DCAF6: variants seen among roughly 807,000 people sequenced by gnomAD.
DCAF6 encodes the protein DDB1 and CUL4 associated factor 6, also known as DDB1- and CUL4-associated factor 6.
In DCAF6, 54 loss-of-function variants were observed where a neutral mutation model predicts 125.1. That is an observed-to-expected ratio of 0.43 (90% CI 0.35 to 0.54). The LOEUF (loss-of-function observed/expected upper bound fraction) is 0.54, where lower values mean the gene tolerates loss of function less well. DCAF6 is among the 20% of genes least tolerant of loss of function. The pLI, the probability that DCAF6 is intolerant of heterozygous loss-of-function variation, is 0.01. For synonymous variants in DCAF6, 371 were observed against 390.4 expected (o/e 0.95, Z 0.58); for missense variants, 934 against 1,161.7 (o/e 0.80, Z 2.85).
At chr1:168,052,273 G>A (rs796703528) in intron 17 of DCAF6, among the ~76,000 whole-genome samples, 1 of 152,298 alleles carries the variant, frequency 6.6e-6, no homozygotes, top group African/African-American at 2.4e-5. Flanking sequence ...TTTATCACAA[G>A]TACGCAAAGC....
chr1:167,905,793 T>C, the DCAF6 span, among the ~76,000 whole-genome samples: 24 of 152,188 alleles, frequency 1.6e-4, no homozygotes, highest in African/African-American at 5.5e-4. Context: ...CCTTAAGCTG[T>C]AAATGGAAGG....
At chr1:167,910,728 A>G in the DCAF6 span, among the ~76,000 whole-genome samples, 3 of 152,170 alleles carry the variant, frequency 2.0e-5, no homozygotes, top group South Asian at 6.2e-4. Context: ...GCTTCCACAG[A>G]TGTGCTGAGT....
At chr1:168,043,200 T>C (rs1317517844) in intron 14 of DCAF6, 60 bp downstream of exon 14, 3 of 1,235,260 alleles carry the variant, frequency 2.4e-6, no homozygotes, top group African/African-American at 1.5e-5. Flanking sequence ...TTATCTACTT[T>C]CCTGTTCCCT....
At chr1:167,929,285 G>A in the DCAF6 span, among the ~76,000 whole-genome samples, 1 of 152,112 alleles carries the variant, frequency 6.6e-6, no homozygotes, top group Non-Finnish European at 1.5e-5. Context: ...CTAGAACCCA[G>A]GAGGCAGAGG....
chr1:167,878,127 A>G, the DCAF6 span, among the ~76,000 whole-genome samples: 4 of 152,338 alleles, frequency 2.6e-5, no homozygotes, highest in South Asian at 2.1e-4. Flanking sequence ...AGTAAATAAT[A>G]TTAAATGGTT....
chr1:167,925,442 C>CACACATAT, the DCAF6 span, among the ~76,000 whole-genome samples: 1 of 82,476 alleles, frequency 1.2e-5, no homozygotes, highest in East Asian at 3.0e-4. Flanking sequence ...TACATATACA[C>CACACATAT]ATATATATAT....
chr1:167,883,487 C>T, the DCAF6 span: 1 of 1,614,240 alleles, frequency 6.2e-7, no homozygotes, highest in East Asian at 2.2e-5. Flanking sequence ...ATCTTCAGGA[C>T]AGAAGTGATG....
chr1:167,916,145 A>T, the DCAF6 span, among the ~76,000 whole-genome samples: 1 of 152,240 alleles, frequency 6.6e-6, no homozygotes, highest in Non-Finnish European at 1.5e-5. Context: ...CTTTGAGAAT[A>T]GTTGTGAAAC....
At chr1:167,871,956 C>G in the DCAF6 span, among the ~76,000 whole-genome samples, 1 of 152,198 alleles carries the variant, frequency 6.6e-6, no homozygotes, top group African/African-American at 2.4e-5. Flanking sequence ...ACCAACATGG[C>G]ACATGTATAC....
chr1:167,956,369 C>T (rs1674789369), intron 2 of DCAF6, among the ~76,000 whole-genome samples: 1 of 151,224 alleles, frequency 6.6e-6, no homozygotes, highest in South Asian at 2.1e-4. Flanking sequence ...CATAATATTC[C>T]CTTATGTTTT....
chr1:167,966,930 T>A (rs997323112), intron 3 of DCAF6, among the ~76,000 whole-genome samples: 2 of 152,164 alleles, frequency 1.3e-5, no homozygotes, highest in Non-Finnish European at 1.5e-5. Context: ...AGCCTTGGGA[T>A]CTAGAAAATT....
At chr1:168,056,805 G>T (rs1690918344) in intron 17 of DCAF6, among the ~76,000 whole-genome samples, 1 of 152,188 alleles carries the variant, frequency 6.6e-6, no homozygotes. Context: ...CCAAGTTTTA[G>T]AAATGCTCTG....
At chr1:168,034,751 AAACC>A (rs1687580090) in intron 12 of DCAF6, among the ~76,000 whole-genome samples, 1 of 152,190 alleles carries the variant, frequency 6.6e-6, no homozygotes, top group Non-Finnish European at 1.5e-5. Flanking sequence ...TTGAAGTTCT[AAACC>A]TTAAGGGTTT....
intron 3 of DCAF6, chr1:167,968,594 T>G (rs1571718365): frequency 6.6e-6 from 1 of 152,374 alleles, no homozygotes; most frequent in South Asian, 2.1e-4. Flanking sequence ...CTGTCGGGTG[T>G]TGAACTGTTC....
At chr1:168,009,620 A>C (rs1684004552) in intron 10 of DCAF6, among the ~76,000 whole-genome samples, 1 of 143,764 alleles carries the variant, frequency 7.0e-6, no homozygotes, top group Non-Finnish European at 1.5e-5. Context: ...TCCTTCTTAC[A>C]CTTTGTTCTT....
intron 6 of DCAF6, among the ~76,000 whole-genome samples, 163 bp from the exon 7 acceptor site, chr1:167,993,062 AC>A (rs1314322382): frequency 3.3e-5 from 5 of 152,190 alleles, no homozygotes; most frequent in African/African-American, 1.2e-4. Flanking sequence ...TTGTTTTGTT[AC>A]AAAATCTGAC....
chr1:167,926,353 C>G, the DCAF6 span, among the ~76,000 whole-genome samples: 31 of 152,166 alleles, frequency 2.0e-4, no homozygotes, highest in South Asian at 1.0e-3. Flanking sequence ...GTTCTGGGCA[C>G]AGCCACCACA....
the DCAF6 span, among the ~76,000 whole-genome samples, chr1:167,902,225 T>C: frequency 6.6e-6 from 1 of 152,210 alleles, no homozygotes; most frequent in Non-Finnish European, 1.5e-5. Flanking sequence ...TGAGTCTGTT[T>C]CCTCAAGTGG....
At chr1:168,066,763 C>CA (rs372491807) in intron 20 of DCAF6, among the ~76,000 whole-genome samples, 40 of 152,090 alleles carry the variant, frequency 2.6e-4, no homozygotes, top group Admixed American at 4.6e-4. Context: ...GAATCACACA[C>CA]AAAAAAATCT....
Sources: gnomAD v4.1 joint callset for allele counts (sites outside exome capture counted in the v4.1 genomes callset) on GRCh38, gnomAD v4.1.1 for gene constraint, MANE v1.5 for transcripts, NCBI Gene and HGNC (gene_info 2026-07-23, HGNC 2026-07-21) for gene names.